The following PCDH15 variants were observed in gnomAD, a reference collection of about 807,000 sequenced individuals.
PCDH15 encodes protocadherin related 15.
A neutral mutation model predicts 178.5 loss-of-function variants in PCDH15; 129 were observed. That is an observed-to-expected ratio of 0.72 (90% CI 0.63 to 0.84). The LOEUF is 0.84. PCDH15 is among the 40% of genes least tolerant of loss of function. The pLI is 0.00. For synonymous variants in PCDH15, 800 were observed against 732.0 expected, an observed-to-expected ratio of 1.09 and a Z score of -1.50; for missense variants, 2,230 against 2,099.9, an observed-to-expected ratio of 1.06 and a Z score of -1.21.
At chr10:54,388,526 G>A (rs1179931022) in intron 3 of PCDH15, among the ~76,000 whole-genome samples, 1 of 152,118 alleles carries the variant, frequency 6.6e-6, no homozygotes, top group African/African-American at 2.4e-5. Context: ...GCCACATACT[G>A]TAAGAGAATG....
In PCDH15 at chr10:54,208,376, C is replaced by G. The variant is rs573713835; in HGVS notation, c.1098+5560G>C. ...AATGGACTTAATATTTGTATCTCTC[C>G]AAATTCATATGTTGAAATCCTAATC... On this transcript the variant is annotated intron_variant, in intron 10 of 37. Transcript: ENST00000644397. Among the ~76,000 whole-genome samples the G allele has an allele frequency of 2.6e-5, 4 of 152,034 alleles. No homozygotes were observed. In the East Asian group the frequency reaches 7.7e-4, roughly 29 times the overall value.
intron 1 of PCDH15, among the ~76,000 whole-genome samples, chr10:54,722,082 G>A (rs1308425075): frequency 3.3e-5 from 5 of 151,372 alleles, no homozygotes; most frequent in African/African-American, 2.4e-5. Context: ...CAATAAATAC[G>A]GTTTACCACA....
intron 14 of PCDH15, among the ~76,000 whole-genome samples, chr10:54,152,779 A>G (rs1334091286): frequency 6.6e-6 from 1 of 152,146 alleles, no homozygotes; most frequent in East Asian, 1.9e-4. Flanking sequence ...TTAATTACCT[A>G]TACACTCAGA....
chr10:53,978,850 G>T (rs2090402602), intron 21 of PCDH15, among the ~76,000 whole-genome samples: 1 of 152,078 alleles, frequency 6.6e-6, no homozygotes, highest in Non-Finnish European at 1.5e-5. Flanking sequence ...TAGCAAGTGT[G>T]ACCTTTACTC....
At chr10:54,466,275 T>G (rs1244491364) in intron 3 of PCDH15, among the ~76,000 whole-genome samples, 1 of 152,012 alleles carries the variant, frequency 6.6e-6, no homozygotes, top group Non-Finnish European at 1.5e-5. Flanking sequence ...CTGAAGTGTT[T>G]CCCCAAAGTT....
intron 8 of PCDH15, among the ~76,000 whole-genome samples, chr10:54,316,527 TATACACACACACACAC>T (rs1330820062): frequency 4.7e-5 from 6 of 128,156 alleles, no homozygotes; most frequent in African/African-American, 1.5e-4. Context: ...AGAATATGTG[TATACACACACACACAC>T]ACACACACAC....
chr10:54,739,895 C>T (rs574653353), intron 1 of PCDH15, among the ~76,000 whole-genome samples: 179 of 152,094 alleles, frequency 1.2e-3, no homozygotes, highest in African/African-American at 4.3e-3. Context: ...AAATGGATTG[C>T]ATACTTAAAC....
chr10:54,121,623 C>T (rs984667421), intron 15 of PCDH15, among the ~76,000 whole-genome samples: 25 of 152,024 alleles, frequency 1.6e-4, no homozygotes, highest in African/African-American at 5.8e-4. Flanking sequence ...GGTGTAATGT[C>T]ACAGCCGATC....
At chr10:55,582,628 A>ATATATATATTTTTTT (rs780312007) in intron 2 of PCDH15, among the ~76,000 whole-genome samples, 3 of 69,028 alleles carry the variant, frequency 4.3e-5, no homozygotes, top group African/African-American at 2.0e-4. Flanking sequence ...ATATATATAT[A>ATATATATATTTTTTT]TTTTTTTTTT....
chr10:54,028,121 G>T (rs2093171079), intron 18 of PCDH15, among the ~76,000 whole-genome samples: 1 of 150,052 alleles, frequency 6.7e-6, no homozygotes, highest in South Asian at 2.1e-4. Flanking sequence ...TCAAAAAGTG[G>T]GCGAAGGACA....
intron 2 of PCDH15, among the ~76,000 whole-genome samples, chr10:55,423,314 ATGCACTGT>A (rs1565123729): frequency 2.0e-5 from 3 of 152,060 alleles, no homozygotes; most frequent in Non-Finnish European, 4.4e-5. Flanking sequence ...TCGAAGTAGG[ATGCACTGT>A]AGGGTATCAG....
chr10:55,031,761 AGT>A (rs1455364857), intron 2 of PCDH15, among the ~76,000 whole-genome samples: 1 of 152,202 alleles, frequency 6.6e-6, no homozygotes, highest in Non-Finnish European at 1.5e-5. Context: ...GTGAGGATAC[AGT>A]GTTCCTCCCC....
Position 55,347,020 on chromosome 10 carries a change from A to T in PCDH15, c.-155-180369T>A, listed in dbSNP as rs139690399. 4.6e-5 allele frequency among the ~76,000 whole-genome samples: 7 copies of T among 151,760 alleles called. No individual in the cohort carries two copies. The South Asian group carries it at 1.2e-3, about 27-fold the overall frequency. On this transcript the variant is annotated intron_variant, in intron 2 of 5. Coordinates refer to the PCDH15 transcript ENST00000613346. ...ACTTGGCTCAGGAGTTCAAGACCAGACTGGGCAACATGGCAAAACCCCATC... is the reference window on the plus strand; with the variant it reads ...ACTTGGCTCAGGAGTTCAAGACCAGTCTGGGCAACATGGCAAAACCCCATC...
At chr10:54,185,784 T>A (rs900990757) in intron 11 of PCDH15, among the ~76,000 whole-genome samples, 1 of 152,078 alleles carries the variant, frequency 6.6e-6, no homozygotes, top group African/African-American at 2.4e-5. Flanking sequence ...TCATTACCTA[T>A]AAATATCATG....
At chr10:53,837,930 T>C (rs2077401073) in intron 29 of PCDH15, among the ~76,000 whole-genome samples, 1 of 151,136 alleles carries the variant, frequency 6.6e-6, no homozygotes, top group African/African-American at 2.4e-5. Flanking sequence ...ATGGCTATTC[T>C]ATCTTTTCTT....
At chr10:55,151,737 A>T (rs1474190058) in intron 2 of PCDH15, among the ~76,000 whole-genome samples, 8 of 152,108 alleles carry the variant, frequency 5.3e-5, no homozygotes. Flanking sequence ...ATAAAATATA[A>T]CTGACTTTTA....
At chr10:55,328,950 A>ATATG (rs1491254139) in intron 2 of PCDH15, among the ~76,000 whole-genome samples, 2 of 134,850 alleles carry the variant, frequency 1.5e-5, no homozygotes, top group East Asian at 4.4e-4. Flanking sequence ...ATATATATAT[A>ATATG]AAATATATAA....
chr10:54,222,428 T>C (rs2052941649), intron 9 of PCDH15, among the ~76,000 whole-genome samples: 2 of 152,238 alleles, frequency 1.3e-5, no homozygotes, highest in South Asian at 2.1e-4. Context: ...GATGGAATTG[T>C]GTAGTATAAA....
At chr10:54,853,322 T>TACATACAC (rs1953671660) in intron 3 of PCDH15, among the ~76,000 whole-genome samples, 1 of 108,952 alleles carries the variant, frequency 9.2e-6, no homozygotes, top group African/African-American at 3.6e-5. Flanking sequence ...TATATATACA[T>TACATACAC]ACACACACAT....
Sources: allele counts gnomAD v4.1 joint callset (sites outside exome capture counted in the v4.1 genomes callset), GRCh38; gene constraint gnomAD v4.1.1; transcripts MANE v1.5; gene names NCBI Gene and HGNC (gene_info 2026-07-23, HGNC 2026-07-21).